Variants in GLDN observed in about 807,000 individuals in gnomAD.
GLDN encodes the protein gliomedin.
Under a neutral mutation model 56.5 loss-of-function variants are expected in GLDN, and 47 were observed. That is an observed-to-expected ratio of 0.83 (90% CI 0.66 to 1.06). The LOEUF (loss-of-function observed/expected upper bound fraction) is 1.06, where lower values mean the gene tolerates loss of function less well. Ranked by LOEUF, GLDN falls within the 50% of genes least tolerant of loss-of-function variation. The pLI is 0.00. For missense variants in GLDN, 782 were observed against 714.3 expected, an observed-to-expected ratio of 1.09 and a Z score of -1.08; for synonymous variants, 332 against 278.8, an observed-to-expected ratio of 1.19 and a Z score of -1.90.
chr15:51,362,722 T>C (rs911124253), intron 1 of GLDN, among the ~76,000 whole-genome samples: 2 of 152,132 alleles, frequency 1.3e-5, no homozygotes, highest in African/African-American at 4.8e-5. Context: ...ATGATGAGAA[T>C]AGACTTTGTG....
chr15:51,343,792 A>T (rs1303075403), intron 1 of GLDN, among the ~76,000 whole-genome samples: 2 of 152,180 alleles, frequency 1.3e-5, no homozygotes, highest in Non-Finnish European at 2.9e-5. Context: ...CAGTTCTCAA[A>T]CAGTAGGCTT....
At chr15:51,355,154 A>G (rs2037149087) in intron 1 of GLDN, among the ~76,000 whole-genome samples, 1 of 152,220 alleles carries the variant, frequency 6.6e-6, no homozygotes, top group African/African-American at 2.4e-5. Context: ...AGCTTATTAG[A>G]AAAGTAAAGG....
At chr15:51,353,727 A>T (rs904305956) in intron 1 of GLDN, among the ~76,000 whole-genome samples, 1 of 146,162 alleles carries the variant, frequency 6.8e-6, no homozygotes, top group Non-Finnish European at 1.5e-5. Context: ...AAAAAAAAAA[A>T]AAAAAAACCA....
intron 6 of GLDN, 69 bp from the exon 7 acceptor site, chr15:51,400,123 A>C: frequency 7.7e-7 from 1 of 1,294,564 alleles, no homozygotes; most frequent in Non-Finnish European, 1.1e-6. Flanking sequence ...GAAGAGCAGC[A>C]GCTATAAAGT....
At chr15:51,350,801 C>T (rs1044441404) in intron 1 of GLDN, among the ~76,000 whole-genome samples, 3 of 152,134 alleles carry the variant, frequency 2.0e-5, no homozygotes, top group East Asian at 1.9e-4. Context: ...AAGAAACAGG[C>T]GGGTCAAGGC....
chr15:51,400,143 C>A, intron 6 of GLDN, 49 bp from the exon 7 acceptor site: 2 of 1,544,964 alleles, frequency 1.3e-6, no homozygotes, highest in Middle Eastern at 1.7e-4. Flanking sequence ...TCCAACAAAT[C>A]TCACTGTGCC....
At chr15:51,399,044 A>G (rs1468517130) in intron 6 of GLDN, among the ~76,000 whole-genome samples, 1 of 152,178 alleles carries the variant, frequency 6.6e-6, no homozygotes, top group Non-Finnish European at 1.5e-5. Context: ...TTGGTTGCCA[A>G]GCATTTGCAT....
At chr15:51,358,785 G>T (rs1006559211) in intron 1 of GLDN, among the ~76,000 whole-genome samples, 1 of 152,156 alleles carries the variant, frequency 6.6e-6, no homozygotes, top group East Asian at 1.9e-4. Flanking sequence ...TGAAGAAGAA[G>T]TGACTTATAT....
chr15:51,379,832 C>T (rs1039738237), intron 2 of GLDN, among the ~76,000 whole-genome samples: 1 of 152,134 alleles, frequency 6.6e-6, no homozygotes, highest in Non-Finnish European at 1.5e-5. Flanking sequence ...GTTTCTTGTC[C>T]AAAAGAAGCA....
At position 51,341,908 on chromosome 15, in the gene GLDN, C is replaced by T. The variant is rs1383349527; in HGVS notation, c.224C>T (p.Ala75Val). 6.3e-7 allele frequency: 1 copy of T among 1,592,302 alleles called. No homozygotes were observed. Among genetic ancestry groups the T allele is most frequent in the Admixed American group, 1.7e-5 (1 of 59,354 alleles). ...LRSFLAELSR[A>V]PRGASAPPQD... is the part of the protein sequence containing the mutation. The stretch of plus-strand genomic sequence containing the variant: ...TCCTTCCTGGCCGAGTTGAGCCGCG[C>T]GCCGCGCGGGGCGTCCGCACCACCC... The change falls in exon 1 of 10, where the codon GCG becomes GTG. Residue 75 changes from alanine to valine, a missense_variant. By Grantham distance (64) the Ala-to-Val change is moderately conservative. Transcript: ENST00000335449.
intron 6 of GLDN, among the ~76,000 whole-genome samples, chr15:51,398,394 T>C (rs2038179710): frequency 6.6e-6 from 1 of 152,204 alleles, no homozygotes. Context: ...TGGAAAATAC[T>C]TCTAGGGTGA....
chr15:51,346,958 C>T (rs994298856), intron 1 of GLDN, among the ~76,000 whole-genome samples: 3 of 151,936 alleles, frequency 2.0e-5, no homozygotes, highest in Admixed American at 1.3e-4. Flanking sequence ...CCCAGCTACT[C>T]GGGAGGCTGA....
intron 1 of GLDN, among the ~76,000 whole-genome samples, chr15:51,361,156 T>C (rs1269062675): frequency 6.6e-6 from 1 of 152,238 alleles, no homozygotes; most frequent in Non-Finnish European, 1.5e-5. Flanking sequence ...ATTAGAGGCC[T>C]GGGGAAGACA....
intron 1 of GLDN, among the ~76,000 whole-genome samples, chr15:51,361,990 A>T (rs1242421941): frequency 6.6e-6 from 1 of 152,174 alleles, no homozygotes; most frequent in Non-Finnish European, 1.5e-5. Flanking sequence ...AGGAAGCTGT[A>T]ATTATAAGTA....
chr15:51,366,586 G>T (rs116450294), intron 1 of GLDN, among the ~76,000 whole-genome samples: 1 of 152,178 alleles, frequency 6.6e-6, no homozygotes, highest in Admixed American at 6.5e-5. Flanking sequence ...AACTGAGCTG[G>T]TGATTAGACT....
intron 1 of GLDN, among the ~76,000 whole-genome samples, chr15:51,355,110 A>G (rs57315189): frequency 0.011 from 1,715 of 152,328 alleles, 31 homozygotes; most frequent in African/African-American, 0.039. Context: ...ACAAGAAAGA[A>G]TTCAGGGTGA....
chr15:51,405,903 CGA>C lies in GLDN; in HGVS notation c.*1151_*1152del, dbSNP rs1312718018. ...TGCTTTTGCTCTGCAACAGCAGAGT[CGA>C]GTCATTGCAACAAAGAGCATATGGC... is the stretch of plus-strand genomic sequence containing the variant. On this transcript the variant is annotated 3_prime_UTR_variant, in exon 10 of 10. Transcript: ENST00000335449. 1 of 152,112 alleles carries C rather than the reference CGA, an allele frequency of 6.6e-6. No homozygotes were observed. Among genetic ancestry groups the C allele is most frequent in the Non-Finnish European group, 1.5e-5 (1 of 68,024 alleles). 9.4% of individuals were successfully genotyped at this position (152,112 alleles called of 1,614,324 possible).
chr15:51,368,663 T>TC (rs1345079937), intron 1 of GLDN, among the ~76,000 whole-genome samples: 3 of 151,936 alleles, frequency 2.0e-5, no homozygotes, highest in African/African-American at 7.3e-5. Context: ...CTAAGAGACC[T>TC]CAAACTGGAA....
At chr15:51,343,303 C>A (rs1313987787) in intron 1 of GLDN, among the ~76,000 whole-genome samples, 1 of 152,102 alleles carries the variant, frequency 6.6e-6, no homozygotes. Context: ...TTCATGTTAT[C>A]ATTTAAAAAT....
Sources: allele counts gnomAD v4.1 joint callset (sites outside exome capture counted in the v4.1 genomes callset), GRCh38; gene constraint gnomAD v4.1.1; transcripts MANE v1.5; gene names NCBI Gene and HGNC (gene_info 2026-07-23, HGNC 2026-07-21).